The following GALNT13 variants were observed in gnomAD, a reference collection of about 807,000 sequenced individuals.
The protein encoded by GALNT13 is polypeptide N-acetylgalactosaminyltransferase 13.
In GALNT13, 28 loss-of-function variants were observed where a neutral mutation model predicts 64.2. The observed-to-expected ratio is 0.44, with a 90% CI of 0.32 to 0.60. The LOEUF (loss-of-function observed/expected upper bound fraction) is 0.60. GALNT13 is among the 20% of genes least tolerant of loss of function. The pLI is 0.05. For missense variants in GALNT13, 577 were observed against 669.8 expected, an observed-to-expected ratio of 0.86 and a Z score of 1.53; for synonymous variants, 214 against 224.6, an observed-to-expected ratio of 0.95 and a Z score of 0.42.
the GALNT13 span, among the ~76,000 whole-genome samples, chr2:153,289,641 T>C: frequency 2.0e-5 from 3 of 152,206 alleles, no homozygotes; most frequent in Non-Finnish European, 2.9e-5. Context: ...TTATTCTCAC[T>C]AATGAATACA....
At chr2:153,312,716 T>C in the GALNT13 span, among the ~76,000 whole-genome samples, 1 of 152,180 alleles carries the variant, frequency 6.6e-6, no homozygotes, top group East Asian at 1.9e-4. Flanking sequence ...TAAAAAATAT[T>C]GTTTGCTCTG....
the GALNT13 span, among the ~76,000 whole-genome samples, chr2:153,174,925 G>A: frequency 1.2e-4 from 19 of 152,102 alleles, no homozygotes; most frequent in South Asian, 1.9e-3. Context: ...ACATTTTCAG[G>A]TATTTGTTAC....
intron 3 of GALNT13, among the ~76,000 whole-genome samples, chr2:154,006,572 T>C (rs1448482033): frequency 6.6e-6 from 1 of 152,162 alleles, no homozygotes; most frequent in Non-Finnish European, 1.5e-5. Context: ...GATTATCCAG[T>C]TGCAAATTAG....
intron 8 of GALNT13, among the ~76,000 whole-genome samples, chr2:154,268,595 A>C (rs1559058285): frequency 6.6e-6 from 1 of 152,108 alleles, no homozygotes; most frequent in Non-Finnish European, 1.5e-5. Flanking sequence ...TACTTTAATA[A>C]AGCTGTTAAG....
chr2:154,129,358 T>A (rs1682482141), intron 3 of GALNT13, among the ~76,000 whole-genome samples: 1 of 152,186 alleles, frequency 6.6e-6, no homozygotes, highest in African/African-American at 2.4e-5. Flanking sequence ...ATGCAGTTAA[T>A]TTTTTCTTCT....
At chr2:153,501,827 C>A in the GALNT13 span, among the ~76,000 whole-genome samples, 1 of 152,186 alleles carries the variant, frequency 6.6e-6, no homozygotes, top group Non-Finnish European at 1.5e-5. Flanking sequence ...TACAGCTTGG[C>A]TATCCGCTTT....
the GALNT13 span, among the ~76,000 whole-genome samples, chr2:153,281,685 AT>A: frequency 2.6e-4 from 39 of 151,560 alleles, no homozygotes; most frequent in South Asian, 5.6e-3. Context: ...CTTAGTTGAA[AT>A]TTTTTTTTCT....
chr2:154,288,797 A>G (rs781235035), intron 8 of GALNT13, among the ~76,000 whole-genome samples: 5 of 152,208 alleles, frequency 3.3e-5, no homozygotes, highest in Non-Finnish European at 4.4e-5. Context: ...GGTACAGGGT[A>G]CAGCTCCACT....
the GALNT13 span, among the ~76,000 whole-genome samples, chr2:153,679,031 G>A: frequency 6.6e-6 from 1 of 151,968 alleles, no homozygotes; most frequent in Admixed American, 6.6e-5. Context: ...TCAGGTTATT[G>A]TGCCTCCTAC....
chr2:154,223,390 T>C (rs1212647864), intron 4 of GALNT13, among the ~76,000 whole-genome samples: 2 of 151,980 alleles, frequency 1.3e-5, no homozygotes, highest in Non-Finnish European at 2.9e-5. Context: ...TATGTTATTG[T>C]AGATGGAAAG....
chr2:153,318,655 T>G, the GALNT13 span, among the ~76,000 whole-genome samples: 45 of 152,338 alleles, frequency 3.0e-4, no homozygotes, highest in East Asian at 7.7e-3. Flanking sequence ...GATGTAGCCT[T>G]GGACTAGTCA....
chr2:153,522,839 C>G, the GALNT13 span, among the ~76,000 whole-genome samples: 2 of 152,038 alleles, frequency 1.3e-5, no homozygotes, highest in Non-Finnish European at 2.9e-5. Context: ...TTTTGCAGAA[C>G]AAAAGTTTGT....
rs562432694 is a variant in GALNT13 at position 154,080,021 on chromosome 2, C to T, written c.143-60316C>T. On this transcript the variant is annotated intron_variant, in intron 3 of 12. Coordinates refer to ENST00000392825, the MANE Select transcript of GALNT13 (RefSeq NM_052917.4). ...CTTTAATACATTGAACTTCTTCCAC[C>T]CCTTTGTTTTCTAAAGGGCTTTTTT... Among the ~76,000 whole-genome samples, 8 of 151,358 alleles carry T rather than the reference C, an allele frequency of 5.3e-5. No homozygotes were observed. In the South Asian group the frequency reaches 1.7e-3, roughly 31 times the overall value.
At chr2:154,168,598 G>A (rs924593151) in intron 4 of GALNT13, among the ~76,000 whole-genome samples, 2 of 151,282 alleles carry the variant, frequency 1.3e-5, no homozygotes, top group African/African-American at 4.9e-5. Context: ...ACTTTGGGAG[G>A]CTGAGGCAGG....
the GALNT13 span, among the ~76,000 whole-genome samples, chr2:153,273,836 G>A: frequency 3.3e-5 from 5 of 152,110 alleles, no homozygotes; most frequent in Non-Finnish European, 7.4e-5. Context: ...ATATTTTTCA[G>A]TTCCTTAACT....
At chr2:154,389,096 T>G (rs147777224) in intron 9 of GALNT13, among the ~76,000 whole-genome samples, 3 of 152,300 alleles carry the variant, frequency 2.0e-5, no homozygotes, top group Non-Finnish European at 4.4e-5. Context: ...ATAACTTTGA[T>G]TTGCTTAAGC....
At chr2:154,408,521 G>T (rs542241353) in intron 10 of GALNT13, among the ~76,000 whole-genome samples, 1 of 152,072 alleles carries the variant, frequency 6.6e-6, no homozygotes, top group Admixed American at 6.6e-5. Context: ...GGAACATACA[G>T]TAATGAAGCA....
At chr2:153,791,603 T>C in the GALNT13 span, among the ~76,000 whole-genome samples, 2 of 152,152 alleles carry the variant, frequency 1.3e-5, no homozygotes, top group Non-Finnish European at 2.9e-5. Context: ...TCAATTTTTC[T>C]ACCATAAAGA....
the GALNT13 span, among the ~76,000 whole-genome samples, chr2:153,445,474 C>A: frequency 6.6e-6 from 1 of 152,100 alleles, no homozygotes; most frequent in Non-Finnish European, 1.5e-5. Flanking sequence ...ACCTTCCGGG[C>A]TCAGGTGATC....
Sources: gnomAD v4.1 joint callset for allele counts (sites outside exome capture counted in the v4.1 genomes callset) on GRCh38, gnomAD v4.1.1 for gene constraint, MANE v1.5 for transcripts, NCBI Gene and HGNC (gene_info 2026-07-23, HGNC 2026-07-21) for gene names.